The following PLEKHA4 variants were observed in gnomAD, a reference collection of about 807,000 sequenced individuals.
PLEKHA4 encodes pleckstrin homology domain-containing family A member 4.
Under a neutral mutation model 94.7 loss-of-function variants are expected in PLEKHA4, and 73 were observed. The observed-to-expected ratio is 0.77, with a 90% CI of 0.64 to 0.94. The LOEUF is 0.94. Among genes scored for constraint, PLEKHA4 ranks in the 40% least tolerant of loss-of-function variants. PLEKHA4 has a pLI of 0.00. For missense variants in PLEKHA4, 1,049 were observed against 1,054.1 expected (o/e 1.00, Z 0.07); for synonymous variants, 449 against 437.1 (o/e 1.03, Z -0.34).
At chr19:48,853,907 C>T (rs542685683) in intron 11 of PLEKHA4, 76 bp from the exon 12 acceptor site, 5 of 1,592,158 alleles carry the variant, frequency 3.1e-6, no homozygotes, top group Middle Eastern at 1.7e-4. Context: ...TGTCCTTTCA[C>T]GTCCTGGACG....
At position 48,867,428 on chromosome 19, in the gene PLEKHA4, C is replaced by A. The variant is rs895707714; in HGVS notation, c.84+109G>T. On this transcript the variant is annotated intron_variant, in intron 2 of 19. Transcript: ENST00000263265. This position sits in a 1 kb window ranked among gnomAD's most constrained non-coding sequence, Gnocchi z 4.7. ...TTGGGACCTTACTATGTCTGGCAGA[C>A]CCCGTTGCTAAGGATCTTTGTCCTT... The A allele has an allele frequency of 2.8e-5, 36 of 1,287,746 alleles. 1 individual carries two copies. Among genetic ancestry groups the A allele is most frequent in the Middle Eastern group, 2.6e-4 (1 of 3,774 alleles). 79.8% of individuals were successfully genotyped at this position (1,287,746 alleles called of 1,614,324 possible). A position where few individuals can be genotyped will look rare whatever the true frequency, so the allele number is the denominator to read the frequency against.
chr19:48,853,927 C>T (rs1360824875), intron 11 of PLEKHA4, 80 bp downstream of exon 11: 1 of 1,596,874 alleles, frequency 6.3e-7, no homozygotes, highest in Non-Finnish European at 8.5e-7. Context: ...GTCCAGTCAG[C>T]ATCCTGACTT....
intron 14 of PLEKHA4, 125 bp from the exon 15 acceptor site, chr19:48,845,741 G>A (rs1051939324): frequency 1.5e-5 from 12 of 782,632 alleles, no homozygotes; most frequent in African/African-American, 7.0e-5. Context: ...CAGGCCGGGC[G>A]CAGTGGCTCA....
chr19:48,841,121 C>T (rs371653453), intron 17 of PLEKHA4, 28 bp downstream of exon 17: 20 of 1,594,302 alleles, frequency 1.3e-5, no homozygotes, highest in South Asian at 2.3e-5. Context: ...ACCACCCCAC[C>T]GCCCAGCCCC....
intron 6 of PLEKHA4, 88 bp downstream of exon 6, chr19:48,860,262 A>G: frequency 1.8e-6 from 2 of 1,137,560 alleles, no homozygotes; most frequent in Middle Eastern, 2.0e-4. Flanking sequence ...TGGACACTCA[A>G]GGGGGCAGGG....
intron 17 of PLEKHA4, 83 bp from the exon 18 acceptor site, chr19:48,839,346 A>C (rs1169762044): frequency 2.2e-6 from 2 of 921,238 alleles, no homozygotes; most frequent in African/African-American, 3.3e-5. Context: ...GGGGCTCCAA[A>C]AGAGAATGAA....
In PLEKHA4 at chr19:48,837,319, C is replaced by CAG. The variant is rs760942762; in HGVS notation, c.2308_2309dup (p.Arg771CysfsTer66). On this transcript the variant is annotated frameshift_variant, in exon 20 of 20. Coordinates refer to ENST00000263265, the MANE Select transcript of PLEKHA4 (RefSeq NM_020904.3). LOFTEE classifies it high-confidence loss of function. This position sits in a 1 kb window ranked among gnomAD's most constrained non-coding sequence, Gnocchi z 4.3. ...AGCTGGATTGTAGCAGAGTGACTCG[C>CAG]AGAGGCCATGCCCCCTCGTCTTGTG... 1 of 1,613,960 alleles carries CAG rather than the reference C, an allele frequency of 6.2e-7. No homozygotes were observed. The highest frequency in any genetic ancestry group is 1.1e-5 in the South Asian group (1 of 91,088).
rs141277901 is a variant in PLEKHA4, at chr19:48,859,300, G to T, written c.693-161C>A. On this transcript the variant is annotated intron_variant, in intron 7 of 19. Coordinates refer to ENST00000263265, the MANE Select transcript of PLEKHA4 (RefSeq NM_020904.3). ...ACTGTCCAAATCCTCAGTAATGTCCGCTTTGTGGCATCTTCCCCTCCAGTC... is the reference window on the plus strand; with the variant it reads ...ACTGTCCAAATCCTCAGTAATGTCCTCTTTGTGGCATCTTCCCCTCCAGTC... The T allele has an allele frequency of 2.5e-4, 229 of 908,302 alleles. 1 individual carries two copies. The East Asian group carries it at 5.9e-3, about 23-fold the overall frequency. 56.3% of individuals were successfully genotyped at this position (908,302 alleles called of 1,614,324 possible).
chr19:48,843,214 T>C (rs2035832562), intron 16 of PLEKHA4, among the ~76,000 whole-genome samples: 1 of 152,156 alleles, frequency 6.6e-6, no homozygotes, highest in Admixed American at 6.6e-5. Flanking sequence ...GTTTCACTCT[T>C]ATTGCCCAGG....
rs1305102775 is a variant in PLEKHA4, at chr19:48,868,484, CT to C, written c.-409del. The C allele has an allele frequency of 6.6e-6, 1 of 152,204 alleles. No homozygotes were observed. The highest frequency in any genetic ancestry group is 1.5e-5 in the Non-Finnish European group (1 of 68,090). The allele number at this position is 152,204 out of a possible 1,614,324, so 9.4% of individuals were successfully genotyped here. A position where few individuals can be genotyped will look rare whatever the true frequency, so the allele number is the denominator to read the frequency against. On this transcript the variant is annotated 5_prime_UTR_variant, in exon 1 of 20. Coordinates refer to ENST00000263265, the MANE Select transcript of PLEKHA4 (RefSeq NM_020904.3). ...TCTCTCTCTGTCTCTCAGTCATCCC[CT>C]GTGTCCTCTCTCCTTCACACTCAGT... is the stretch of plus-strand genomic sequence containing the variant.
At chr19:48,843,109 C>G (rs1004161800) in intron 16 of PLEKHA4, among the ~76,000 whole-genome samples, 31 of 152,056 alleles carry the variant, frequency 2.0e-4, no homozygotes, top group Non-Finnish European at 3.7e-4. Flanking sequence ...AGGAAAGGCT[C>G]GATTGCTTTT....
At chr19:48,857,147 G>C (rs959127787) in intron 9 of PLEKHA4, among the ~76,000 whole-genome samples, 6 of 151,984 alleles carry the variant, frequency 3.9e-5, no homozygotes, top group Non-Finnish European at 7.4e-5. Context: ...CTAAGAGAGA[G>C]TCAATAAAAG....
chr19:48,842,842 A>C (rs1357128809), intron 16 of PLEKHA4, among the ~76,000 whole-genome samples: 1 of 152,200 alleles, frequency 6.6e-6, no homozygotes, highest in Non-Finnish European at 1.5e-5. Context: ...CCCCATAGAC[A>C]AATCTGTCAG....
At chr19:48,859,165 C>G in intron 7 of PLEKHA4, 26 bp from the exon 8 acceptor site, 2 of 1,501,238 alleles carry the variant, frequency 1.3e-6, no homozygotes, top group Non-Finnish European at 1.8e-6. Flanking sequence ...AATCGGGGAA[C>G]TGAGTCAACT....
intron 9 of PLEKHA4, among the ~76,000 whole-genome samples, chr19:48,854,631 A>G (rs945938490): frequency 6.6e-6 from 1 of 150,760 alleles, no homozygotes; most frequent in African/African-American, 2.4e-5. Flanking sequence ...GGCTCAAGCA[A>G]TCCTCCTGCC....
rs780265457 is a variant in PLEKHA4, at chr19:48,859,647, C to T, written c.514G>A (p.Glu172Lys). 3 of 1,612,470 alleles carry T rather than the reference C, an allele frequency of 1.9e-6. No homozygotes were observed. In the Admixed American group the frequency reaches 5.0e-5, roughly 27 times the overall value. Residue 172 changes from glutamate (E) to lysine (K), a missense_variant, in exon 7 of 20, where the codon GAG becomes AAG. Glu to Lys is a moderately conservative substitution (Grantham distance 56). Coordinates refer to ENST00000263265, the MANE Select transcript of PLEKHA4 (RefSeq NM_020904.3). Reference sequence around the variant, plus strand: ...GGACCACCGGGGCCGCCGGGGCCCTCCCCGGGCTGGGGTCGTGCAGGTGAC... The same window carrying T: ...GGACCACCGGGGCCGCCGGGGCCCTTCCCGGGCTGGGGTCGTGCAGGTGAC... ...PRSPARPQPG[E>K]GPGGPGGPPE...
intron 13 of PLEKHA4, among the ~76,000 whole-genome samples, chr19:48,850,749 G>A (rs2036154142): frequency 2.0e-5 from 3 of 152,014 alleles, no homozygotes; most frequent in Non-Finnish European, 2.9e-5. Context: ...CCTGGGAGGC[G>A]GATGTTGCGG....
intron 16 of PLEKHA4, chr19:48,845,095 T>C: frequency 3.1e-6 from 1 of 318,408 alleles, no homozygotes; most frequent in Non-Finnish European, 5.9e-6. Context: ...CTCATTCATC[T>C]AGTTTTCATC....
chr19:48,858,952 G>T lies in PLEKHA4; in HGVS notation c.880C>A (p.Pro294Thr). 1.3e-6 allele frequency: 2 copies of T among 1,596,048 alleles called. No homozygotes were observed. The highest frequency in any genetic ancestry group is 8.5e-7 in the Non-Finnish European group (1 of 1,174,250). ...WGPQRQTLSR[P>T]PTPRRGPPSE... is the part of the protein sequence containing the mutation. ...GGAGGTCCTCGGCGGGGAGTAGGGG[G>T]TCGGGAGAGGGTCTGGCGTTGGGGG... is the stretch of plus-strand genomic sequence containing the variant. Residue 294 changes from proline (P) to threonine (T), a missense_variant, in exon 8 of 20, where the codon CCC (proline) becomes ACC (threonine). Physicochemically the swap from Pro to Thr is conservative, Grantham distance 38 (BLOSUM62 -1). Coordinates refer to ENST00000263265, the MANE Select transcript of PLEKHA4 (RefSeq NM_020904.3).
Sources: allele counts gnomAD v4.1 joint callset (sites outside exome capture counted in the v4.1 genomes callset), GRCh38; gene constraint gnomAD v4.1.1; non-coding constraint Gnocchi (gnomAD v3.1); transcripts MANE v1.5; gene names NCBI Gene and HGNC (gene_info 2026-07-23, HGNC 2026-07-21).